The following VPS35L variants were observed in gnomAD, a reference collection of about 807,000 sequenced individuals.
VPS35L encodes VPS35 endosomal protein-sorting factor-like.
In VPS35L, 83 loss-of-function variants were observed where a neutral mutation model predicts 133.0. The observed-to-expected ratio is 0.62, with a 90% CI of 0.52 to 0.75. The LOEUF (loss-of-function observed/expected upper bound fraction) is 0.75, where lower values mean the gene tolerates loss of function less well. Ranked by LOEUF, VPS35L falls within the 30% of genes least tolerant of loss-of-function variation. VPS35L has a pLI of 0.00. For missense variants in VPS35L, 1,083 were observed against 1,206.8 expected (o/e 0.90, Z 1.52); for synonymous variants, 423 against 449.9 (o/e 0.94, Z 0.76).
intron 25 of VPS35L, among the ~76,000 whole-genome samples, chr16:19,651,429 T>C (rs1466939924): frequency 6.6e-6 from 1 of 152,022 alleles, no homozygotes; most frequent in African/African-American, 2.4e-5. Flanking sequence ...GGTCTTGAAC[T>C]CCTGGCCTCA....
chr16:19,580,263 G>A (rs568976467), intron 6 of VPS35L, among the ~76,000 whole-genome samples: 14 of 150,140 alleles, frequency 9.3e-5, no homozygotes, highest in Non-Finnish European at 1.6e-4. Flanking sequence ...ACAGGCACGC[G>A]CCACCGTGCC....
In VPS35L at chr16:19,669,157, C is replaced by A. The variant is rs956036611; in HGVS notation, c.2222-3C>A. 1 of 1,601,134 alleles carries A rather than the reference C, an allele frequency of 6.2e-7. No individual in the cohort carries two copies. ...ATACTGACTTTTATCTTCTGTCTTG[C>A]AGCTGATGCTTTTTTCAAAGCCGCT... On this transcript the variant is annotated splice_region_variant and splice_polypyrimidine_tract_variant and intron_variant, in intron 26 of 30. Coordinates refer to ENST00000417362, the MANE Select transcript of VPS35L (RefSeq NM_020314.7).
At chr16:19,604,159 A>C (rs1382351058) in intron 9 of VPS35L, among the ~76,000 whole-genome samples, 2 of 151,938 alleles carry the variant, frequency 1.3e-5, no homozygotes, top group Non-Finnish European at 2.9e-5. Flanking sequence ...CAGCATTTAA[A>C]AAAAAATGAC....
At position 19,610,502 on chromosome 16, in the gene VPS35L, C is replaced by T. The variant is rs1972681917; in HGVS notation, c.1023+87C>T. ...CACAGGGCCCTCCTTCCCCACCACC[C>T]CGCAAGTCATTGAGAGAAGGACTTT... On this transcript the variant is annotated intron_variant, in intron 12 of 30. Transcript: ENST00000417362. 4.2e-6 allele frequency: 4 copies of T among 954,150 alleles called. No individual in the cohort carries two copies. In the African/African-American group the frequency reaches 6.6e-5, roughly 16 times the overall value. The allele number at this position is 954,150 out of a possible 1,614,324, so 59.1% of individuals were successfully genotyped here. A position where few individuals can be genotyped will look rare whatever the true frequency, so the allele number is the denominator to read the frequency against.
chr16:19,662,477 T>C (rs1974519820), intron 26 of VPS35L, among the ~76,000 whole-genome samples: 1 of 152,190 alleles, frequency 6.6e-6, no homozygotes, highest in African/African-American at 2.4e-5. Flanking sequence ...GACTACAGCA[T>C]TGGCCTCCAT....
In VPS35L at chr16:19,640,118, C is replaced by A; in HGVS notation, c.1784+18C>A. On this transcript the variant is annotated intron_variant, in intron 21 of 30. Transcript: ENST00000417362. The stretch of plus-strand genomic sequence containing the variant: ...TTTATCAAGTGAGTGCCACTGCGTG[C>A]AGCAGAAGCCTTGATTCCCAATGTC... The A allele has an allele frequency of 6.2e-7, 1 of 1,603,556 alleles. No individual in the cohort carries two copies. Among genetic ancestry groups the A allele is most frequent in the Non-Finnish European group, 8.5e-7 (1 of 1,171,564 alleles).
At chr16:19,697,728 A>AT (rs1975965243) in intron 29 of VPS35L, among the ~76,000 whole-genome samples, 1 of 152,146 alleles carries the variant, frequency 6.6e-6, no homozygotes, top group Non-Finnish European at 1.5e-5. Context: ...TAATCCCTGC[A>AT]TACAACTGCA....
At chr16:19,616,603 T>C in intron 13 of VPS35L, 83 bp from the exon 14 acceptor site, 1 of 1,522,638 alleles carries the variant, frequency 6.6e-7, no homozygotes, top group African/African-American at 1.4e-5. Flanking sequence ...CTTACAAGTA[T>C]GCACAGTCTG....
At chr16:19,642,870 G>A (rs972882395) in intron 22 of VPS35L, among the ~76,000 whole-genome samples, 3 of 152,142 alleles carry the variant, frequency 2.0e-5, no homozygotes, top group Non-Finnish European at 4.4e-5. Context: ...ACTGCTTGAG[G>A]CTGAGACCTA....
intron 8 of VPS35L, among the ~76,000 whole-genome samples, chr16:19,595,519 C>G (rs1193989188): frequency 6.6e-6 from 1 of 152,124 alleles, no homozygotes; most frequent in African/African-American, 2.4e-5. Flanking sequence ...GTGAATTAAC[C>G]TCTTGGCCGT....
At chr16:19,681,104 ACCTGGACGTGTGTGCCAGCC>A (rs1447425713) in intron 27 of VPS35L, among the ~76,000 whole-genome samples, 6 of 152,160 alleles carry the variant, frequency 3.9e-5, no homozygotes, top group Non-Finnish European at 5.9e-5. Flanking sequence ...GGAGGCCAGC[ACCTGGACGTGTGTGCCAGCC>A]CCTGGTGCCA....
chr16:19,627,913 G>A, intron 16 of VPS35L, 108 bp downstream of exon 16: 1 of 851,726 alleles, frequency 1.2e-6, no homozygotes, highest in Non-Finnish European at 1.9e-6. Flanking sequence ...CAGGAACACA[G>A]GCGAAGGCTC....
At chr16:19,564,748 T>C (rs1971134266) in intron 1 of VPS35L, 103 bp from the exon 2 acceptor site, 1 of 768,346 alleles carries the variant, frequency 1.3e-6, no homozygotes, top group Non-Finnish European at 2.2e-6. Context: ...GTGGGAATAT[T>C]GTGCTGTTCT....
At chr16:19,660,339 AAAT>A (rs1974443112) in intron 26 of VPS35L, among the ~76,000 whole-genome samples, 3 of 151,932 alleles carry the variant, frequency 2.0e-5, no homozygotes, top group African/African-American at 7.3e-5. Flanking sequence ...AAAAAAAAAA[AAAT>A]AAAGAAGAAA....
chr16:19,594,446 C>A (rs1972137520), intron 8 of VPS35L, among the ~76,000 whole-genome samples: 1 of 151,942 alleles, frequency 6.6e-6, no homozygotes, highest in Admixed American at 6.6e-5. Context: ...GAGTGCGAGA[C>A]CAGACTGGCT....
At chr16:19,627,601 T>A in intron 15 of VPS35L, 93 bp from the exon 16 acceptor site, 1 of 982,650 alleles carries the variant, frequency 1.0e-6, no homozygotes, top group Non-Finnish European at 1.6e-6. Flanking sequence ...GCTAAAGAGC[T>A]GTTAGTCTTC....
chr16:19,598,737 T>G (rs1972289952), intron 8 of VPS35L, among the ~76,000 whole-genome samples: 1 of 151,872 alleles, frequency 6.6e-6, no homozygotes, highest in Non-Finnish European at 1.5e-5. Flanking sequence ...TGAGCTGTGA[T>G]TGCTCCACTG....
At chr16:19,616,651 C>T in intron 13 of VPS35L, 35 bp from the exon 14 acceptor site, 1 of 1,603,230 alleles carries the variant, frequency 6.2e-7, no homozygotes, top group Non-Finnish European at 8.5e-7. Context: ...TGGTTTTTCC[C>T]CTCCTTTTCT....
In VPS35L at chr16:19,584,717, G is replaced by T. The variant is rs541742139; in HGVS notation, c.639+3064G>T. Among the ~76,000 whole-genome samples, 3 of 151,352 alleles carry T rather than the reference G, an allele frequency of 2.0e-5. No homozygotes were observed. In the South Asian group the frequency reaches 6.3e-4, roughly 32 times the overall value. ...TTGTTTTTTTTTATTAAGAGATGAG[G>T]TTGCCCAGGCTGGAGTGCAGTGACT... On this transcript the variant is annotated intron_variant, in intron 7 of 30. Coordinates refer to ENST00000417362, the MANE Select transcript of VPS35L (RefSeq NM_020314.7).
Sources: allele counts gnomAD v4.1 joint callset (sites outside exome capture counted in the v4.1 genomes callset), GRCh38; gene constraint gnomAD v4.1.1; transcripts MANE v1.5; gene names NCBI Gene and HGNC (gene_info 2026-07-23, HGNC 2026-07-21).